The following KPNA3 variants were observed in gnomAD, a reference collection of about 807,000 sequenced individuals.
KPNA3 encodes karyopherin subunit alpha 3.
KPNA3 carries 13 observed loss-of-function variants against 73.8 expected under a neutral mutation model. That is an observed-to-expected ratio of 0.18 (90% CI 0.11 to 0.28). KPNA3 has a LOEUF of 0.28. Among genes scored for constraint, KPNA3 ranks in the 10% least tolerant of loss-of-function variants. The probability of loss-of-function intolerance (pLI) is 1.00; values close to 1 mark genes in which losing one functional copy is unlikely to be tolerated. For synonymous variants in KPNA3, 186 were observed against 206.9 expected, an observed-to-expected ratio of 0.90 and a Z score of 0.87; for missense variants, 360 against 618.1, an observed-to-expected ratio of 0.58 and a Z score of 4.43.
chr13:49,750,094 T>C (rs1954649488), intron 1 of KPNA3, among the ~76,000 whole-genome samples: 1 of 152,126 alleles, frequency 6.6e-6, no homozygotes, highest in Non-Finnish European at 1.5e-5. Context: ...TCAACAAAAA[T>C]TTACTCAATA....
intron 12 of KPNA3, among the ~76,000 whole-genome samples, chr13:49,707,372 C>T (rs1954217588): frequency 6.6e-6 from 1 of 152,120 alleles, no homozygotes; most frequent in Admixed American, 6.5e-5. Flanking sequence ...CATGGGTGTT[C>T]ACTATACTAT....
At chr13:49,741,611 G>A (rs905158100) in intron 2 of KPNA3, among the ~76,000 whole-genome samples, 2 of 151,958 alleles carry the variant, frequency 1.3e-5, no homozygotes, top group South Asian at 2.1e-4. Context: ...ATGCCACCAC[G>A]CCCAGCTAAT....
At chr13:49,749,405 CG>C (rs1173930608) in intron 1 of KPNA3, among the ~76,000 whole-genome samples, 1 of 152,158 alleles carries the variant, frequency 6.6e-6, no homozygotes, top group Non-Finnish European at 1.5e-5. Flanking sequence ...TCAAGATATA[CG>C]AATTGACTAG....
chr13:49,763,764 T>C (rs1954787454), intron 1 of KPNA3, among the ~76,000 whole-genome samples: 1 of 152,056 alleles, frequency 6.6e-6, no homozygotes, highest in Non-Finnish European at 1.5e-5. Flanking sequence ...TGAAACCCCA[T>C]CTACTAAAAC....
At chr13:49,737,561 CTGTG>C (rs3990330) in intron 2 of KPNA3, among the ~76,000 whole-genome samples, 7,280 of 142,714 alleles carry the variant, frequency 0.051, 178 homozygotes, top group African/African-American at 0.082. Flanking sequence ...GTGTGTGTGT[CTGTG>C]TGTGTGTGTG....
intron 2 of KPNA3, among the ~76,000 whole-genome samples, chr13:49,743,316 C>T (rs550299118): frequency 6.6e-6 from 1 of 152,248 alleles, no homozygotes; most frequent in East Asian, 1.9e-4. Flanking sequence ...GGGACAGATA[C>T]TCTGACCATA....
intron 2 of KPNA3, among the ~76,000 whole-genome samples, chr13:49,733,292 T>TGTTTG (rs753640882): frequency 1.8e-4 from 26 of 146,312 alleles, no homozygotes; most frequent in Admixed American, 1.6e-3. Flanking sequence ...GTTTTTTTTT[T>TGTTTG]TTTTTTTTTT....
chr13:49,786,055 T>TTC (rs1488302473), intron 1 of KPNA3, among the ~76,000 whole-genome samples: 2 of 151,752 alleles, frequency 1.3e-5, no homozygotes, highest in African/African-American at 4.9e-5. Context: ...TGCCTTAACA[T>TTC]TTTTTTATTA....
chr13:49,715,386 G>T (rs1248101659), intron 10 of KPNA3, among the ~76,000 whole-genome samples: 1 of 151,936 alleles, frequency 6.6e-6, no homozygotes, highest in East Asian at 1.9e-4. Flanking sequence ...AAATTAAAAT[G>T]GCCCTTAAAC....
At chr13:49,782,901 G>T (rs184918171) in intron 1 of KPNA3, among the ~76,000 whole-genome samples, 1 of 151,866 alleles carries the variant, frequency 6.6e-6, no homozygotes, top group Admixed American at 6.6e-5. Flanking sequence ...TAATAAATCT[G>T]TTTCCCAAGT....
intron 2 of KPNA3, among the ~76,000 whole-genome samples, chr13:49,740,456 G>C (rs906441146): frequency 6.6e-6 from 1 of 152,078 alleles, no homozygotes; most frequent in Non-Finnish European, 1.5e-5. Flanking sequence ...TGTGCCGTGG[G>C]AGGTGATTAA....
chr13:49,761,173 T>G (rs1480931622), intron 1 of KPNA3, among the ~76,000 whole-genome samples: 1 of 152,150 alleles, frequency 6.6e-6, no homozygotes, highest in Admixed American at 6.5e-5. Context: ...GCAGTGCTGA[T>G]GTCATATAAG....
chr13:49,720,729 C>CA (rs10707385), intron 9 of KPNA3, among the ~76,000 whole-genome samples: 4,598 of 87,750 alleles, frequency 0.052, 165 homozygotes, highest in South Asian at 0.099. Context: ...GAGACTGTCT[C>CA]AAAAAAAAAA....
chr13:49,781,273 C>T (rs974902212), intron 1 of KPNA3, among the ~76,000 whole-genome samples: 2 of 152,168 alleles, frequency 1.3e-5, no homozygotes, highest in African/African-American at 2.4e-5. Flanking sequence ...CTAGTCTATA[C>T]ATTCCTTGAG....
chr13:49,716,508 G>A lies in KPNA3; in HGVS notation c.771+3267C>T, dbSNP rs61961460. The stretch of plus-strand genomic sequence containing the variant: ...CGTGGGAGTGCAGTGGCGTGATCTC[G>A]GTTCATTGCAACCTCCACCTCCCCG... On this transcript the variant is annotated intron_variant, in intron 10 of 16. Transcript: ENST00000261667. Among the ~76,000 whole-genome samples the A allele has an allele frequency of 2.0e-5, 3 of 151,778 alleles. 1 individual carries two copies. The highest frequency in any genetic ancestry group is 6.4e-3 in the Middle Eastern group (2 of 314).
intron 1 of KPNA3, among the ~76,000 whole-genome samples, chr13:49,754,655 A>T (rs1172383299): frequency 6.6e-6 from 1 of 151,990 alleles, no homozygotes; most frequent in Non-Finnish European, 1.5e-5. Context: ...TGGCCAAAAA[A>T]AAAGAGAAAA....
rs539175346 is a variant in KPNA3 at position 49,728,231 on chromosome 13, T to C, written c.384-2730A>G. On this transcript the variant is annotated intron_variant, in intron 6 of 16. Transcript: ENST00000261667. ...GCCTGGGCGACAGAGCGAGACTCTGTCTCAAAAAAAAAAAAAAAAAGGACA... is the reference window on the plus strand; with the variant it reads ...GCCTGGGCGACAGAGCGAGACTCTGCCTCAAAAAAAAAAAAAAAAAGGACA... Among the ~76,000 whole-genome samples, 176 of 139,838 alleles carry C rather than the reference T, an allele frequency of 1.3e-3. 1 individual carries two copies. Among genetic ancestry groups the C allele is most frequent in the Admixed American group, 2.6e-3 (36 of 13,854 alleles). The allele number at this position is 139,838 out of a possible 152,430, so 91.7% of individuals were successfully genotyped here. A position where few individuals can be genotyped will look rare whatever the true frequency, so the allele number is the denominator to read the frequency against.
At chr13:49,744,268 C>T (rs116285701) in intron 2 of KPNA3, among the ~76,000 whole-genome samples, 1,845 of 152,274 alleles carry the variant, frequency 0.012, 34 homozygotes, top group African/African-American at 0.042. Context: ...AAACACCTTA[C>T]TTTATTAAGC....
Position 49,701,422 on chromosome 13 carries a change from A to C in KPNA3, c.*378T>G, listed in dbSNP as rs1594425436. On this transcript the variant is annotated 3_prime_UTR_variant, in exon 17 of 17. Transcript: ENST00000261667. ...CCAACTTGTATATGCATCATACCAA[A>C]GTGTCTTGATCCACAGCGCACCATT... The C allele has an allele frequency of 6.4e-6, 3 of 465,958 alleles. No homozygotes were observed. The East Asian group carries it at 2.1e-4, about 32-fold the overall frequency. The allele number at this position is 465,958 out of a possible 1,614,324, so 28.9% of individuals were successfully genotyped here. A position where few individuals can be genotyped will look rare whatever the true frequency, so the allele number is the denominator to read the frequency against.
Sources: allele counts gnomAD v4.1 joint callset (sites outside exome capture counted in the v4.1 genomes callset), GRCh38; gene constraint gnomAD v4.1.1; transcripts MANE v1.5; gene names NCBI Gene and HGNC (gene_info 2026-07-23, HGNC 2026-07-21).